ART3: variants seen among roughly 807,000 people sequenced by gnomAD.
The protein encoded by ART3 is ADP-ribosyltransferase 3 (inactive).
A neutral mutation model predicts 48.5 loss-of-function variants in ART3; 49 were observed. The ratio of observed to expected loss-of-function variants is 1.01; its 90% CI spans 0.80 to 1.28. ART3 has a LOEUF of 1.28. Ranked by LOEUF, ART3 falls within the 50% of genes most tolerant of loss-of-function variation. The pLI is 0.00. For missense variants in ART3, 438 were observed against 454.3 expected (o/e 0.96, Z 0.33); for synonymous variants, 145 against 157.2 (o/e 0.92, Z 0.58).
At chr4:76,031,577 A>G (rs1733873234) in intron 1 of ART3, among the ~76,000 whole-genome samples, 1 of 152,220 alleles carries the variant, frequency 6.6e-6, no homozygotes, top group Non-Finnish European at 1.5e-5. Flanking sequence ...CATTTTGTAC[A>G]GAGTAAAATT....
intron 1 of ART3, among the ~76,000 whole-genome samples, chr4:76,063,026 C>T (rs1719386014): frequency 6.6e-6 from 1 of 152,152 alleles, no homozygotes; most frequent in Non-Finnish European, 1.5e-5. Context: ...CTCAGTGAGG[C>T]CTACCTTGAC....
At chr4:76,019,045 G>GAAAAAAAAAAAAAAAAAAAA (rs72190608) in intron 1 of ART3, among the ~76,000 whole-genome samples, 1 of 87,492 alleles carries the variant, frequency 1.1e-5, no homozygotes. Context: ...CCATCTCAAG[G>GAAAAAAAAAAAAAAAAAAAA]AAAAAAAAAA....
intron 1 of ART3, among the ~76,000 whole-genome samples, chr4:76,066,274 G>A (rs1719727192): frequency 7.2e-5 from 2 of 27,732 alleles, no homozygotes; most frequent in Admixed American, 6.8e-4. Context: ...CTTGTCCTGC[G>A]TCCAGGAAGA....
chr4:76,079,079 TAA>T (rs994011970), intron 2 of ART3, among the ~76,000 whole-genome samples: 2 of 140,922 alleles, frequency 1.4e-5, no homozygotes. Context: ...AGACTCCGTC[TAA>T]AAAAAAAAAA....
chr4:76,033,451 T>C (rs1436804138), intron 1 of ART3, among the ~76,000 whole-genome samples: 4 of 152,224 alleles, frequency 2.6e-5, no homozygotes, highest in Middle Eastern at 3.4e-3. Flanking sequence ...GTCTTTGGCT[T>C]CTCTCTTTTG....
At chr4:76,104,229 T>A (rs1727974158) in intron 9 of ART3, 1 of 552,282 alleles carries the variant, frequency 1.8e-6, no homozygotes, top group Non-Finnish European at 2.3e-6. Context: ...GCTCCTGGGA[T>A]CTGGATGCAT....
intron 9 of ART3, 150 bp downstream of exon 9, chr4:76,104,119 G>A: frequency 1.0e-6 from 1 of 964,114 alleles, no homozygotes; most frequent in South Asian, 1.5e-5. Context: ...AGCTGGGGAA[G>A]CGTAGAGAAG....
chr4:76,054,028 T>C (rs1736384153), intron 1 of ART3, among the ~76,000 whole-genome samples: 1 of 152,182 alleles, frequency 6.6e-6, no homozygotes, highest in East Asian at 1.9e-4. Flanking sequence ...ACGTGAGAGA[T>C]TAAGCAATGA....
At chr4:76,077,864 A>C (rs1164362563) in intron 2 of ART3, among the ~76,000 whole-genome samples, 1 of 152,182 alleles carries the variant, frequency 6.6e-6, no homozygotes, top group African/African-American at 2.4e-5. Flanking sequence ...GTTACATGTT[A>C]CTTGGTTTTT....
At chr4:76,080,195 G>T (rs1034165034) in intron 2 of ART3, among the ~76,000 whole-genome samples, 1 of 152,112 alleles carries the variant, frequency 6.6e-6, no homozygotes, top group Non-Finnish European at 1.5e-5. Context: ...AGAGTACAGG[G>T]TTCTAATGTA....
intron 1 of ART3, among the ~76,000 whole-genome samples, chr4:76,064,899 A>G (rs1247716926): frequency 6.6e-6 from 1 of 151,024 alleles, no homozygotes; most frequent in Non-Finnish European, 1.5e-5. Flanking sequence ...TGGCAAGATC[A>G]TGGGTCACAG....
At chr4:76,013,032 C>A (rs1731940476) in intron 1 of ART3, among the ~76,000 whole-genome samples, 1 of 152,136 alleles carries the variant, frequency 6.6e-6, no homozygotes, top group African/African-American at 2.4e-5. Context: ...TCAGAGAGTT[C>A]ACAGTTCAGT....
At chr4:76,064,631 C>A (rs1719535607) in intron 1 of ART3, among the ~76,000 whole-genome samples, 1 of 151,950 alleles carries the variant, frequency 6.6e-6, no homozygotes. Flanking sequence ...ATTTTGACAA[C>A]ATAAAGATAA....
At chr4:76,055,357 T>C (rs576737049) in intron 1 of ART3, among the ~76,000 whole-genome samples, 119 of 152,334 alleles carry the variant, frequency 7.8e-4, no homozygotes, top group African/African-American at 2.7e-3. Context: ...GTAATGTACA[T>C]AGTGTCTCAC....
At chr4:76,020,133 T>G (rs964751519) in intron 1 of ART3, among the ~76,000 whole-genome samples, 1 of 152,082 alleles carries the variant, frequency 6.6e-6, no homozygotes, top group African/African-American at 2.4e-5. Context: ...TTTCTTCTTT[T>G]TTTTTCTTTT....
intron 1 of ART3, among the ~76,000 whole-genome samples, chr4:76,069,394 T>TG (rs1560609912): frequency 7.1e-6 from 1 of 140,134 alleles, no homozygotes; most frequent in African/African-American, 2.6e-5. Context: ...TCCTTTTTTT[T>TG]TTTTTTTTTT....
chr4:76,050,342 T>C (rs1244426009), intron 1 of ART3, among the ~76,000 whole-genome samples: 1 of 151,918 alleles, frequency 6.6e-6, no homozygotes, highest in African/African-American at 2.4e-5. Context: ...ACACAAAGGT[T>C]CTCCACATCC....
At chr4:76,040,549 C>A in intron 1 of ART3, among the ~76,000 whole-genome samples, 1 of 130,424 alleles carries the variant, frequency 7.7e-6, no homozygotes, top group African/African-American at 2.9e-5. Flanking sequence ...GTGTCAGGGA[C>A]TATATAGATA....
At chr4:76,036,182 T>G (rs573293891) in intron 1 of ART3, 1 of 555,026 alleles carries the variant, frequency 1.8e-6, no homozygotes, top group African/African-American at 1.9e-5. Flanking sequence ...TTCCAAGAGT[T>G]TCTGTTTTGT....
Sources: allele counts gnomAD v4.1 joint callset (sites outside exome capture counted in the v4.1 genomes callset), GRCh38; gene constraint gnomAD v4.1.1; transcripts MANE v1.5; gene names NCBI Gene and HGNC (gene_info 2026-07-23, HGNC 2026-07-21).